Variants in CPT1A observed in about 807,000 individuals in gnomAD.
CPT1A encodes carnitine O-palmitoyltransferase 1, liver isoform.
In CPT1A, 64 loss-of-function variants were observed where a neutral mutation model predicts 100.8. The observed-to-expected ratio is 0.63, with a 90% CI of 0.52 to 0.78. The LOEUF (loss-of-function observed/expected upper bound fraction) is 0.78. Among genes scored for constraint, CPT1A ranks in the 30% least tolerant of loss-of-function variants. The pLI is 0.00. For missense variants in CPT1A, 802 were observed against 1,034.1 expected (o/e 0.78, Z 3.08); for synonymous variants, 363 against 396.0 (o/e 0.92, Z 0.99).
In CPT1A at chr11:68,775,437, C is replaced by A. The variant is rs890713003; in HGVS notation, c.1459-5G>T. ...GCTGTCAATGGACATGACGTACTGT[C>A]AAAAATAGAACAAAATTATTAAAAC... On this transcript the variant is annotated splice_region_variant and splice_polypyrimidine_tract_variant and intron_variant, in intron 12 of 18. Transcript: ENST00000265641. The A allele has an allele frequency of 1.2e-6, 2 of 1,605,948 alleles. No homozygotes were observed. The highest frequency in any genetic ancestry group is 2.7e-5 in the African/African-American group (2 of 74,732).
intron 14 of CPT1A, 94 bp from the exon 15 acceptor site, chr11:68,762,855 A>T (rs1479246478): frequency 1.3e-6 from 2 of 1,500,458 alleles, no homozygotes; most frequent in Admixed American, 3.4e-5. Flanking sequence ...GGAGACGTGG[A>T]CTTCATTGTC....
At chr11:68,815,972 G>A (rs1355727187) in intron 1 of CPT1A, among the ~76,000 whole-genome samples, 1 of 144,076 alleles carries the variant, frequency 6.9e-6, no homozygotes. Flanking sequence ...ACGCCTCCAA[G>A]CCAGCATCCA....
intron 1 of CPT1A, among the ~76,000 whole-genome samples, chr11:68,835,413 C>T (rs1856985675): frequency 6.6e-6 from 1 of 152,250 alleles, no homozygotes; most frequent in South Asian, 2.1e-4. Context: ...TTCACCTTTG[C>T]ACAGAATATA....
At chr11:68,777,299 G>A (rs142913463) in intron 12 of CPT1A, among the ~76,000 whole-genome samples, 25 of 152,136 alleles carry the variant, frequency 1.6e-4, no homozygotes, top group Admixed American at 7.9e-4. Flanking sequence ...GCGTGGTGGC[G>A]CACACCTGTG....
intron 1 of CPT1A, among the ~76,000 whole-genome samples, chr11:68,840,648 CT>C (rs577045519): frequency 6.6e-6 from 1 of 152,164 alleles, no homozygotes; most frequent in Non-Finnish European, 1.5e-5. Flanking sequence ...GAGTTGTTTT[CT>C]TTTTTTAAAG....
intron 10 of CPT1A, among the ~76,000 whole-genome samples, chr11:68,782,410 C>A (rs974856906): frequency 3.9e-5 from 6 of 152,176 alleles, no homozygotes; most frequent in Non-Finnish European, 8.8e-5. Flanking sequence ...ACTTACTGAT[C>A]TTCTCAATGC....
chr11:68,788,630 T>TAAAAAAAAAAA, intron 9 of CPT1A, among the ~76,000 whole-genome samples: 7 of 27,556 alleles, frequency 2.5e-4, no homozygotes, highest in African/African-American at 2.8e-4. Flanking sequence ...CAAACAAAAG[T>TAAAAAAAAAAA]AAAAAAAAAA....
intron 14 of CPT1A, among the ~76,000 whole-genome samples, chr11:68,772,029 C>T (rs1855003310): frequency 1.3e-5 from 2 of 152,174 alleles, no homozygotes; most frequent in Non-Finnish European, 2.9e-5. Flanking sequence ...GGGGCAGTGC[C>T]ACACGCTGCA....
intron 2 of CPT1A, among the ~76,000 whole-genome samples, chr11:68,812,923 G>A (rs1856258319): frequency 6.6e-6 from 1 of 152,008 alleles, no homozygotes; most frequent in South Asian, 2.1e-4. Context: ...GCCTGCTACT[G>A]TCTAGAATGC....
chr11:68,784,585 G>A (rs958473330), intron 10 of CPT1A, among the ~76,000 whole-genome samples: 12 of 152,140 alleles, frequency 7.9e-5, no homozygotes, highest in Non-Finnish European at 1.8e-4. Context: ...CTGGACTCTG[G>A]AGTGTTTCCA....
chr11:68,828,884 G>A (rs760875243), intron 1 of CPT1A, among the ~76,000 whole-genome samples: 4 of 152,170 alleles, frequency 2.6e-5, no homozygotes, highest in Admixed American at 2.0e-4. Flanking sequence ...AGCTGGCCCC[G>A]GTCCATCTGC....
intron 12 of CPT1A, among the ~76,000 whole-genome samples, chr11:68,779,787 C>T (rs7924951): frequency 0.1 from 11,780 of 114,858 alleles, 590 homozygotes; most frequent in Non-Finnish European, 0.14. Context: ...CAGAGTAAGA[C>T]CCTGTCTCAA....
intron 14 of CPT1A, among the ~76,000 whole-genome samples, chr11:68,766,239 C>A (rs560683242): frequency 9.9e-5 from 15 of 151,702 alleles, no homozygotes; most frequent in Non-Finnish European, 1.6e-4. Context: ...TTGTGTATAA[C>A]CTTGAAGGAC....
intron 9 of CPT1A, among the ~76,000 whole-genome samples, chr11:68,787,520 G>A (rs1184718990): frequency 1.3e-5 from 2 of 151,804 alleles, no homozygotes; most frequent in Admixed American, 6.6e-5. Flanking sequence ...AGGCTGAACT[G>A]TGTCCCCCCA....
At chr11:68,815,531 C>T in intron 1 of CPT1A, 44 bp from the exon 2 acceptor site, 1 of 1,588,600 alleles carries the variant, frequency 6.3e-7, no homozygotes, top group African/African-American at 1.3e-5. Flanking sequence ...AACGTGTGAC[C>T]AGACACTAAA....
intron 1 of CPT1A, among the ~76,000 whole-genome samples, chr11:68,817,255 C>G (rs1326286622): frequency 6.6e-6 from 1 of 151,878 alleles, no homozygotes; most frequent in Non-Finnish European, 1.5e-5. Context: ...AAGGTGAGAT[C>G]AAAATCAGTG....
At chr11:68,766,837 A>C (rs984332766) in intron 14 of CPT1A, among the ~76,000 whole-genome samples, 1 of 152,104 alleles carries the variant, frequency 6.6e-6, no homozygotes, top group African/African-American at 2.4e-5. Context: ...AAAAAAAAAA[A>C]AAAAGAAAAG....
intron 1 of CPT1A, among the ~76,000 whole-genome samples, chr11:68,818,847 G>C (rs1262295531): frequency 9.2e-6 from 1 of 108,350 alleles, no homozygotes; most frequent in African/African-American, 3.0e-5. Context: ...GACAGAGTGA[G>C]ACCCTATCTC....
chr11:68,754,641 A>C (rs913756194), downstream of CPT1A: 1 of 606,484 alleles, frequency 1.6e-6, no homozygotes, highest in South Asian at 2.1e-5. Flanking sequence ...ATATTTATTG[A>C]GCATCTTTTA....
Sources: allele counts gnomAD v4.1 joint callset (sites outside exome capture counted in the v4.1 genomes callset), GRCh38; gene constraint gnomAD v4.1.1; transcripts MANE v1.5; gene names NCBI Gene and HGNC (gene_info 2026-07-23, HGNC 2026-07-21).